The following IL20RA variants were observed in gnomAD, a reference collection of about 807,000 sequenced individuals.
IL20RA encodes interleukin 20 receptor subunit alpha.
Under a neutral mutation model 36.5 loss-of-function variants are expected in IL20RA, and 29 were observed. The ratio of observed to expected loss-of-function variants is 0.79; its 90% CI spans 0.59 to 1.08. The LOEUF (loss-of-function observed/expected upper bound fraction) is 1.08, where lower values mean the gene tolerates loss of function less well. IL20RA is among the 50% of genes least tolerant of loss of function. The pLI is 0.00. For synonymous variants in IL20RA, 279 were observed against 267.1 expected, an observed-to-expected ratio of 1.04 and a Z score of -0.43; for missense variants, 652 against 668.4, an observed-to-expected ratio of 0.98 and a Z score of 0.27.
chr6:137,017,207 G>T, intron 1 of IL20RA, 104 bp from the exon 2 acceptor site: 2 of 822,520 alleles, frequency 2.4e-6, no homozygotes, highest in African/African-American at 1.7e-5. Flanking sequence ...CGGCCTTCCA[G>T]TATGCATGCC....
chr6:137,012,206 C>A (rs2115379247), intron 2 of IL20RA, among the ~76,000 whole-genome samples: 1 of 152,180 alleles, frequency 6.6e-6, no homozygotes, highest in South Asian at 2.1e-4. Flanking sequence ...TGAGAGGACA[C>A]TACAGTGGTC....
intron 6 of IL20RA, among the ~76,000 whole-genome samples, chr6:137,004,159 CTTTTTTTTTT>C (rs140038413): frequency 2.3e-5 from 2 of 88,016 alleles, no homozygotes; most frequent in African/African-American, 1.1e-4. Context: ...ATCCAGAAAG[CTTTTTTTTTT>C]TTTTTTTTTT....
intron 1 of IL20RA, among the ~76,000 whole-genome samples, chr6:137,019,512 C>T (rs1775826126): frequency 6.6e-6 from 1 of 152,050 alleles, no homozygotes; most frequent in Non-Finnish European, 1.5e-5. Context: ...TGAGAAATAA[C>T]TTGGAGTAAA....
chr6:137,034,902 G>T (rs933511744), intron 1 of IL20RA, among the ~76,000 whole-genome samples: 28 of 150,404 alleles, frequency 1.9e-4, no homozygotes, highest in African/African-American at 6.4e-4. Context: ...CCGAGATTGT[G>T]CCACTGCACT....
rs1426400370 is a variant in IL20RA at position 137,000,813 on chromosome 6, TATAAA to T, written c.*740_*744del. 1 of 152,238 alleles carries T rather than the reference TATAAA, an allele frequency of 6.6e-6. No individual in the cohort carries two copies. The highest frequency in any genetic ancestry group is 1.5e-5 in the Non-Finnish European group (1 of 68,042). 9.4% of individuals were successfully genotyped at this position (152,238 alleles called of 1,614,324 possible). ...TCCAGAAATAAATGTAATATTCTAT[TATAAA>T]ATGTGTCATTTTCTTTTAGGTTAGT... On this transcript the variant is annotated 3_prime_UTR_variant, in exon 7 of 7. Coordinates refer to ENST00000316649, the MANE Select transcript of IL20RA (RefSeq NM_014432.4).
intron 1 of IL20RA, among the ~76,000 whole-genome samples, chr6:137,029,024 T>G (rs2115410703): frequency 6.6e-6 from 1 of 152,308 alleles, no homozygotes; most frequent in African/African-American, 2.4e-5. Context: ...TTCTGATCAG[T>G]GCGTGCCAAG....
intron 1 of IL20RA, among the ~76,000 whole-genome samples, chr6:137,036,236 G>C (rs568689030): frequency 6.6e-6 from 1 of 152,290 alleles, no homozygotes; most frequent in East Asian, 1.9e-4. Flanking sequence ...GCATGTGGCT[G>C]AGAAAACATT....
At chr6:137,019,975 C>T (rs755787586) in intron 1 of IL20RA, among the ~76,000 whole-genome samples, 1 of 152,230 alleles carries the variant, frequency 6.6e-6, no homozygotes, top group African/African-American at 2.4e-5. Context: ...CATTCTCTCC[C>T]ACATTGTGCC....
intron 1 of IL20RA, among the ~76,000 whole-genome samples, chr6:137,018,602 TTTC>T (rs1046666170): frequency 4.3e-4 from 66 of 151,964 alleles, no homozygotes; most frequent in Non-Finnish European, 7.8e-4. Flanking sequence ...CAGTCTTTGA[TTTC>T]TTCTTGTAAT....
rs1009880587 is a variant in IL20RA, at chr6:137,008,507, C to A, written c.724+92G>T. On this transcript the variant is annotated intron_variant, in intron 5 of 6. Coordinates refer to ENST00000316649, the MANE Select transcript of IL20RA (RefSeq NM_014432.4). ...TGCCTCAACCTGTTTCTGTTAGACA[C>A]GGATTTGTCAAAACCTTGTCTAAAC... is the stretch of plus-strand genomic sequence containing the variant. 12 of 1,317,744 alleles carry A rather than the reference C, an allele frequency of 9.1e-6. No homozygotes were observed. The African/African-American group carries it at 1.6e-4, about 18-fold the overall frequency. 81.6% of individuals were successfully genotyped at this position (1,317,744 alleles called of 1,614,324 possible). A position where few individuals can be genotyped will look rare whatever the true frequency, so the allele number is the denominator to read the frequency against.
intron 5 of IL20RA, among the ~76,000 whole-genome samples, chr6:137,005,139 A>T (rs1053427014): frequency 2.0e-5 from 3 of 152,248 alleles, no homozygotes; most frequent in African/African-American, 7.2e-5. Flanking sequence ...TCAAACAAAC[A>T]ACAAAACCCT....
chr6:137,041,420 G>C (rs1331755371), intron 1 of IL20RA, among the ~76,000 whole-genome samples: 1 of 152,214 alleles, frequency 6.6e-6, no homozygotes, highest in African/African-American at 2.4e-5. Flanking sequence ...AACCAGGTGA[G>C]AGGGATATGG....
rs185654168 is a variant in IL20RA, at chr6:137,034,585, C to T, written c.88+10056G>A. Among the ~76,000 whole-genome samples the T allele has an allele frequency of 1.9e-3, 296 of 152,184 alleles. 2 individuals carry two copies. The South Asian group carries it at 0.036, about 19-fold the overall frequency. On this transcript the variant is annotated intron_variant, in intron 1 of 6. Coordinates refer to ENST00000316649, the MANE Select transcript of IL20RA (RefSeq NM_014432.4). ...CTCCCCCAGCACTCCTCACAGGCCC[C>T]GGTGTGTGTTGTTCCCCTCCCTGTG...
At position 137,009,419 on chromosome 6, in the gene IL20RA, C is replaced by T. The variant is rs1335475319; in HGVS notation, c.477G>A (p.Glu159=). ...KSISVVLTAP[E]KWKRNPEDLP... ...GGTCTTCTGGATTTCTCTTCCACTT[C>T]TCTGGAGCTGTCAGGACAACAGAAA... Residue 159 remains glutamate, a synonymous_variant, in exon 4 of 7, where the codon GAG becomes GAA. Coordinates refer to ENST00000316649, the MANE Select transcript of IL20RA (RefSeq NM_014432.4). The T allele has an allele frequency of 3.1e-6, 5 of 1,612,684 alleles. No homozygotes were observed. Among genetic ancestry groups the T allele is most frequent in the Non-Finnish European group, 4.2e-6 (5 of 1,178,884 alleles).
chr6:137,005,839 A>C (rs1775258350), intron 5 of IL20RA, among the ~76,000 whole-genome samples: 1 of 152,166 alleles, frequency 6.6e-6, no homozygotes, highest in South Asian at 2.1e-4. Flanking sequence ...GCGAACTGCA[A>C]ACATCAACTC....
chr6:137,025,955 C>T (rs1776070801), intron 1 of IL20RA, among the ~76,000 whole-genome samples: 1 of 152,204 alleles, frequency 6.6e-6, no homozygotes, highest in Non-Finnish European at 1.5e-5. Context: ...GTTAACCCAA[C>T]CTCTCTTTTG....
intron 4 of IL20RA, 122 bp from the exon 5 acceptor site, chr6:137,008,865 CTTTTTTTTTTTT>C (rs3041890): frequency 7.7e-5 from 11 of 142,100 alleles, no homozygotes; most frequent in African/African-American, 3.4e-4. Context: ...TCAGTATAAG[CTTTTTTTTTTTT>C]TTTTTTTTTC....
intron 1 of IL20RA, among the ~76,000 whole-genome samples, chr6:137,032,036 G>A (rs1178916702): frequency 4.0e-5 from 5 of 125,108 alleles, no homozygotes; most frequent in African/African-American, 1.6e-4. Context: ...CTGGGCGACA[G>A]AGCAAGATTC....
intron 5 of IL20RA, among the ~76,000 whole-genome samples, chr6:137,005,991 C>G (rs932910785): frequency 6.6e-6 from 1 of 152,134 alleles, no homozygotes; most frequent in Non-Finnish European, 1.5e-5. Flanking sequence ...TTCTATTGGT[C>G]CTGTTTCTCT....
Sources: allele counts gnomAD v4.1 joint callset (sites outside exome capture counted in the v4.1 genomes callset), GRCh38; gene constraint gnomAD v4.1.1; transcripts MANE v1.5; gene names NCBI Gene and HGNC (gene_info 2026-07-23, HGNC 2026-07-21).